The following GRID2 variants were observed in gnomAD, a reference collection of about 807,000 sequenced individuals.
GRID2 encodes glutamate receptor ionotropic, delta-2.
GRID2 carries 33 observed loss-of-function variants against 114.8 expected under a neutral mutation model. The observed-to-expected ratio is 0.29, with a 90% CI of 0.22 to 0.38. The LOEUF (loss-of-function observed/expected upper bound fraction) is 0.38. Among genes scored for constraint, GRID2 ranks in the 10% least tolerant of loss-of-function variants. The pLI is 1.00. For synonymous variants in GRID2, 505 were observed against 449.9 expected (o/e 1.12, Z -1.55); for missense variants, 1,184 against 1,257.7 (o/e 0.94, Z 0.89).
chr4:92,508,926 T>C (rs1461834244), intron 1 of GRID2, among the ~76,000 whole-genome samples: 1 of 151,704 alleles, frequency 6.6e-6, no homozygotes, highest in Admixed American at 6.6e-5. Flanking sequence ...AGATCCAGGA[T>C]CCATTTTGAA....
chr4:93,226,231 C>T (rs761782111), intron 7 of GRID2, among the ~76,000 whole-genome samples: 1 of 152,078 alleles, frequency 6.6e-6, no homozygotes, highest in Non-Finnish European at 1.5e-5. Flanking sequence ...CTCAAAAGTC[C>T]ACATTTCAGA....
chr4:93,237,908 G>A (rs1408095127), intron 7 of GRID2, among the ~76,000 whole-genome samples: 1 of 151,768 alleles, frequency 6.6e-6, no homozygotes, highest in Non-Finnish European at 1.5e-5. Context: ...AGAAACCATG[G>A]ATTTTAAGAT....
At chr4:92,808,546 CA>C (rs1273415696) in intron 2 of GRID2, among the ~76,000 whole-genome samples, 1 of 151,940 alleles carries the variant, frequency 6.6e-6, no homozygotes, top group Non-Finnish European at 1.5e-5. Flanking sequence ...AGGTAACTTC[CA>C]TTTCGGAAGA....
At chr4:93,016,466 C>T (rs1722736812) in intron 2 of GRID2, among the ~76,000 whole-genome samples, 1 of 152,106 alleles carries the variant, frequency 6.6e-6, no homozygotes, top group African/African-American at 2.4e-5. Flanking sequence ...AGAGGTCCTC[C>T]AGTGGCTGTT....
chr4:93,182,957 C>T lies in GRID2; in HGVS notation c.736-24447C>T, dbSNP rs148105672. Among the ~76,000 whole-genome samples, 325 of 152,250 alleles carry T rather than the reference C, an allele frequency of 2.1e-3. 1 individual carries two copies. The highest frequency in any genetic ancestry group is 7.4e-3 in the African/African-American group (308 of 41,560). On this transcript the variant is annotated intron_variant, in intron 4 of 15. Transcript: ENST00000282020. Reference sequence around the variant, plus strand: ...AGTGGCGCCCTACAATTTATGTTTGCGAAGCCCCGCAGGTGTTTCTGATGC... The same window carrying T: ...AGTGGCGCCCTACAATTTATGTTTGTGAAGCCCCGCAGGTGTTTCTGATGC...
At chr4:93,548,657 C>A (rs568222480) in intron 13 of GRID2, among the ~76,000 whole-genome samples, 1 of 152,192 alleles carries the variant, frequency 6.6e-6, no homozygotes, top group East Asian at 1.9e-4. Context: ...TACCATAGTT[C>A]TCAGTAAGAT....
chr4:93,443,743 A>T (rs1407512137), intron 10 of GRID2, among the ~76,000 whole-genome samples: 3 of 151,752 alleles, frequency 2.0e-5, no homozygotes, highest in African/African-American at 7.3e-5. Context: ...AGAGCTTCAT[A>T]TGGAAAAAAA....
chr4:92,801,844 A>G (rs962632374), intron 2 of GRID2, among the ~76,000 whole-genome samples: 4 of 151,858 alleles, frequency 2.6e-5, no homozygotes, highest in African/African-American at 9.7e-5. Context: ...TCCTTATTTT[A>G]TAGATAAAGA....
chr4:93,682,042 G>A (rs1021379620), intron 14 of GRID2, among the ~76,000 whole-genome samples: 1 of 151,518 alleles, frequency 6.6e-6, no homozygotes, highest in Non-Finnish European at 1.5e-5. Context: ...CTGACAAAGG[G>A]CTAATATCCA....
At position 93,676,511 on chromosome 4, in the gene GRID2, G is replaced by A. The variant is rs371795940; in HGVS notation, c.2360+50076G>A. Among the ~76,000 whole-genome samples the A allele has an allele frequency of 1.7e-4, 26 of 152,142 alleles. No homozygotes were observed. The East Asian group carries it at 1.9e-3, about 11-fold the overall frequency. On this transcript the variant is annotated intron_variant, in intron 14 of 15. Coordinates refer to ENST00000282020, the MANE Select transcript of GRID2 (RefSeq NM_001510.4). ...GGCAATCTGGCTTTACCCATTTTCC[G>A]TGGCTTCTGCTCACACATAAATGGC...
At chr4:92,986,131 G>A (rs992724511) in intron 2 of GRID2, among the ~76,000 whole-genome samples, 5 of 152,256 alleles carry the variant, frequency 3.3e-5, no homozygotes, top group Admixed American at 3.3e-4. Context: ...ATTGATCAGT[G>A]TTGATGGACT....
chr4:92,709,589 A>AAAAATATATATATAT (rs779775767), intron 2 of GRID2, among the ~76,000 whole-genome samples: 11 of 114,656 alleles, frequency 9.6e-5, no homozygotes, highest in African/African-American at 3.8e-4. Flanking sequence ...AAAAAAAAAA[A>AAAAATATATATATAT]ATATATATAT....
rs910526576 is a variant in GRID2, at chr4:92,980,339, CTTAA to C, written c.245-104649_245-104646del. Among the ~76,000 whole-genome samples, 98 of 151,906 alleles carry C rather than the reference CTTAA, an allele frequency of 6.5e-4. 1 individual carries two copies. The highest frequency in any genetic ancestry group is 3.4e-3 in the Middle Eastern group (1 of 292). ...ATGTTATGAGAATTTAAAATTTTGA[CTTAA>C]TTAATTTATTTGTATAATATTTTAC... On this transcript the variant is annotated intron_variant, in intron 2 of 15. Transcript: ENST00000282020.
intron 1 of GRID2, among the ~76,000 whole-genome samples, chr4:92,388,405 A>G (rs780461781): frequency 6.6e-6 from 1 of 151,922 alleles, no homozygotes; most frequent in Non-Finnish European, 1.5e-5. Context: ...CTCTCTGGTG[A>G]GCTACCACCT....
intron 3 of GRID2, among the ~76,000 whole-genome samples, chr4:93,092,853 A>AAC (rs140206175): frequency 1.8e-4 from 28 of 151,382 alleles, no homozygotes; most frequent in Admixed American, 4.0e-4. Flanking sequence ...TACACACACA[A>AAC]ACACACACAC....
intron 8 of GRID2, among the ~76,000 whole-genome samples, chr4:93,250,491 T>TA (rs1034046214): frequency 4.7e-5 from 7 of 150,480 alleles, no homozygotes; most frequent in African/African-American, 9.8e-5. Flanking sequence ...ACTTAAAGCA[T>TA]AAAAAAAATA....
In GRID2 at chr4:93,066,917, G is replaced by A. The variant is rs116459788; in HGVS notation, c.245-18078G>A. 5.9e-3 allele frequency among the ~76,000 whole-genome samples: 900 copies of A among 152,092 alleles called. 6 individuals carry two copies. The highest frequency in any genetic ancestry group is 8.9e-3 in the Non-Finnish European group (606 of 67,960). On this transcript the variant is annotated intron_variant, in intron 2 of 15. Transcript: ENST00000282020. ...TTATAACCCAGATGGCTACTATGTGGCTAATGGGTAGGTAGCATGTACAGT... is the reference window on the plus strand; with the variant it reads ...TTATAACCCAGATGGCTACTATGTGACTAATGGGTAGGTAGCATGTACAGT...
At chr4:93,449,323 C>G (rs1254352358) in intron 10 of GRID2, among the ~76,000 whole-genome samples, 1 of 151,816 alleles carries the variant, frequency 6.6e-6, no homozygotes, top group African/African-American at 2.4e-5. Flanking sequence ...AAAGCATTTC[C>G]TGAAGTGATA....
chr4:93,590,988 A>G (rs1418403670), intron 13 of GRID2, among the ~76,000 whole-genome samples: 1 of 151,682 alleles, frequency 6.6e-6, no homozygotes, highest in African/African-American at 2.4e-5. Flanking sequence ...ATATACAATC[A>G]TGTCATCTGC....
Sources: gnomAD v4.1 joint callset for allele counts (sites outside exome capture counted in the v4.1 genomes callset) on GRCh38, gnomAD v4.1.1 for gene constraint, MANE v1.5 for transcripts, NCBI Gene and HGNC (gene_info 2026-07-23, HGNC 2026-07-21) for gene names.